The following PUS1 variants were observed in gnomAD, a reference collection of about 807,000 sequenced individuals.
The protein encoded by PUS1 is pseudouridylate synthase 1 homolog.
In PUS1, 25 loss-of-function variants were observed where a neutral mutation model predicts 38.5. That is an observed-to-expected ratio of 0.65 (90% confidence interval 0.47 to 0.91). The LOEUF is 0.91. Among genes scored for constraint, PUS1 ranks in the 40% least tolerant of loss-of-function variants. The pLI, the probability that PUS1 is intolerant of heterozygous loss-of-function variation, is 0.00. For missense variants in PUS1, 597 were observed against 612.3 expected (o/e 0.97, Z 0.26); for synonymous variants, 282 against 260.4 (o/e 1.08, Z -0.80).
chr12:131,941,166 G>A lies in PUS1; in HGVS notation c.545-126G>A. The A allele has an allele frequency of 1.2e-6, 1 of 807,780 alleles. No individual in the cohort carries two copies. The highest frequency in any genetic ancestry group is 1.5e-5 in the South Asian group (1 of 66,200). The allele number at this position is 807,780 out of a possible 1,614,324, so 50.0% of individuals were successfully genotyped here. ...CTGCCCCCTCCCCAGAGAAGCCGAT[G>A]CTTGCTGGAGCTTGGTCGGTGCTCT... On this transcript the variant is annotated intron_variant, in intron 4 of 5. Transcript: ENST00000376649. This position sits in a 1 kb window ranked among gnomAD's most constrained non-coding sequence, Gnocchi z 4.4.
intron 2 of PUS1, among the ~76,000 whole-genome samples, chr12:131,931,028 T>G (rs1005390384): frequency 6.6e-6 from 1 of 152,228 alleles, no homozygotes; most frequent in African/African-American, 2.4e-5. Context: ...CTGTGTTCTT[T>G]AAACATCTTT....
chr12:131,932,575 C>A, intron 3 of PUS1: 1 of 570,872 alleles, frequency 1.8e-6, no homozygotes, highest in Non-Finnish European at 3.1e-6. Context: ...CAGGGACACA[C>A]ATTCTTGCAG....
In PUS1 at chr12:131,929,804, C is replaced by A; in HGVS notation, c.74+8C>A. 1 of 1,578,084 alleles carries A rather than the reference C, an allele frequency of 6.3e-7. No homozygotes were observed. The highest frequency in any genetic ancestry group is 2.3e-5 in the East Asian group (1 of 42,586). On this transcript the variant is annotated splice_region_variant and intron_variant, in intron 1 of 5. Transcript: ENST00000376649. Reference sequence around the variant, plus strand: ...GGGACCGCGTCCGTCCTGGTAATGACCGCGACGCCGGGCGACCCCGCTATG... The same window carrying A: ...GGGACCGCGTCCGTCCTGGTAATGAACGCGACGCCGGGCGACCCCGCTATG...
intron 3 of PUS1, among the ~76,000 whole-genome samples, chr12:131,938,827 T>G (rs1336485482): frequency 1.3e-5 from 2 of 152,002 alleles, no homozygotes; most frequent in African/African-American, 2.4e-5. Context: ...GTTCACGCCA[T>G]TCTCCTGCCT....
In PUS1 at chr12:131,942,623, G is replaced by C. The variant is rs1234032191; in HGVS notation, c.1236+640G>C. Among the ~76,000 whole-genome samples, 3 of 152,136 alleles carry C rather than the reference G, an allele frequency of 2.0e-5. No homozygotes were observed. In the East Asian group the frequency reaches 5.8e-4, roughly 29 times the overall value. On this transcript the variant is annotated intron_variant, in intron 5 of 5. Transcript: ENST00000376649. ...GGGTTTCACCATGTTAGCCAGGATGGTCTTGATCTCCTGACCTTGTGATCC... is the reference window on the plus strand; with the variant it reads ...GGGTTTCACCATGTTAGCCAGGATGCTCTTGATCTCCTGACCTTGTGATCC...
At chr12:131,942,695 T>C (rs374196420) in intron 5 of PUS1, among the ~76,000 whole-genome samples, 179 of 152,344 alleles carry the variant, frequency 1.2e-3, no homozygotes, top group African/African-American at 3.1e-3. Flanking sequence ...CGTGAGCCAC[T>C]GCGTCCGGCC....
In PUS1 at chr12:131,945,025, GCC is replaced by G. The variant is rs1346024040; in HGVS notation, c.*1441_*1442del. 6.6e-6 allele frequency: 1 copy of G among 152,306 alleles called. No homozygotes were observed. Among genetic ancestry groups the G allele is most frequent in the African/African-American group, 2.4e-5 (1 of 41,480 alleles). 9.4% of individuals were successfully genotyped at this position (152,306 alleles called of 1,614,324 possible). A position where few individuals can be genotyped will look rare whatever the true frequency, so the allele number is the denominator to read the frequency against. ...CATACACGTGGCCTCCCAGCCTGCA[GCC>G]CGTGGGCGCACGTGACCAATGCACG... is the stretch of plus-strand genomic sequence containing the variant. On this transcript the variant is annotated 3_prime_UTR_variant, in exon 6 of 6. Coordinates refer to ENST00000376649, the MANE Select transcript of PUS1 (RefSeq NM_025215.6).
Position 131,930,053 on chromosome 12 carries a change from A to T in PUS1, c.221A>T (p.Asp74Val). ...HPAKKLKSGG[D>V]EERREKPPKR... Reference sequence around the variant, plus strand: ...GCGAAGAAGCTCAAGAGCGGTGGCGACGAGGAGCGGCGCGAGAAGCCGCCC... The same window carrying T: ...GCGAAGAAGCTCAAGAGCGGTGGCGTCGAGGAGCGGCGCGAGAAGCCGCCC... Residue 74 changes from aspartate to valine, a missense_variant, in exon 2 of 6, where the codon GAC becomes GTC. Asp to Val is a radical substitution (Grantham distance 152, BLOSUM62 -3). Coordinates refer to ENST00000376649, the MANE Select transcript of PUS1 (RefSeq NM_025215.6). 1 of 1,446,144 alleles carries T rather than the reference A, an allele frequency of 6.9e-7. No homozygotes were observed. The allele number at this position is 1,446,144 out of a possible 1,614,324, so 89.6% of individuals were successfully genotyped here.
At position 131,941,064 on chromosome 12, in the gene PUS1, A is replaced by G. The variant is rs2136442887; in HGVS notation, c.545-228A>G. ...TTGGAAAATTACAATAAATGGTTGT[A>G]AATTCAGTCACCTTATAGAGCACTG... On this transcript the variant is annotated intron_variant, in intron 4 of 5. Coordinates refer to ENST00000376649, the MANE Select transcript of PUS1 (RefSeq NM_025215.6). This position sits in a 1 kb window ranked among gnomAD's most constrained non-coding sequence, Gnocchi z 4.4. The G allele has an allele frequency of 1.8e-6, 1 of 568,790 alleles. No homozygotes were observed. Among genetic ancestry groups the G allele is most frequent in the East Asian group, 2.8e-5 (1 of 35,192 alleles). 35.2% of individuals were successfully genotyped at this position (568,790 alleles called of 1,614,324 possible). A position where few individuals can be genotyped will look rare whatever the true frequency, so the allele number is the denominator to read the frequency against.
intron 5 of PUS1, among the ~76,000 whole-genome samples, chr12:131,942,980 C>T (rs1011898313): frequency 3.3e-5 from 5 of 152,194 alleles, no homozygotes; most frequent in East Asian, 1.9e-4. Flanking sequence ...CCAGGAGCCT[C>T]GTTTCATCTG....
intron 3 of PUS1, among the ~76,000 whole-genome samples, chr12:131,936,575 CAAAACAAAA>C (rs1285557889): frequency 6.6e-6 from 1 of 151,654 alleles, no homozygotes; most frequent in Middle Eastern, 3.2e-3. Flanking sequence ...AAAAACAAAA[CAAAACAAAA>C]GAAACAAAAA....
At chr12:131,942,256 T>C (rs2136445274) in intron 5 of PUS1, among the ~76,000 whole-genome samples, 1 of 152,296 alleles carries the variant, frequency 6.6e-6, no homozygotes, top group East Asian at 1.9e-4. Context: ...GCATGGAGCA[T>C]AATCAGCAGC....
At chr12:131,931,787 T>A in intron 2 of PUS1, 2 of 307,510 alleles carry the variant, frequency 6.5e-6, no homozygotes, top group Non-Finnish European at 6.3e-6. Flanking sequence ...CTCCTCGGCC[T>A]CCCAAAGTGC....
chr12:131,936,764 C>G (rs941196081), intron 3 of PUS1, among the ~76,000 whole-genome samples: 1 of 152,056 alleles, frequency 6.6e-6, no homozygotes, highest in Admixed American at 6.6e-5. Flanking sequence ...TGGCTTACAC[C>G]TGTAATCCCA....
intron 5 of PUS1, among the ~76,000 whole-genome samples, chr12:131,943,185 C>A (rs1891164957): frequency 6.6e-6 from 1 of 152,220 alleles, no homozygotes; most frequent in Admixed American, 6.5e-5. Context: ...TTGGCCTGGG[C>A]CAGACTGGAC....
intron 2 of PUS1, among the ~76,000 whole-genome samples, chr12:131,930,803 T>C (rs544981079): frequency 5.3e-5 from 8 of 152,228 alleles, no homozygotes; most frequent in Non-Finnish European, 1.2e-4. Context: ...ATTTTTTTTA[T>C]AATTTGCAGG....
At chr12:131,937,974 T>TAG (rs1307797783) in intron 3 of PUS1, among the ~76,000 whole-genome samples, 1 of 152,208 alleles carries the variant, frequency 6.6e-6, no homozygotes. Flanking sequence ...ATCAACCTGA[T>TAG]AGAGTACCAT....
At chr12:131,942,069 A>T (rs1891102759) in intron 5 of PUS1, 86 bp downstream of exon 5, 2 of 1,254,370 alleles carry the variant, frequency 1.6e-6, no homozygotes, top group Admixed American at 4.0e-5. Context: ...GGCACAGAGA[A>T]GTGTGTCACT....
chr12:131,932,340 C>A (rs568380130), intron 3 of PUS1, 28 bp downstream of exon 3: 10 of 1,612,018 alleles, frequency 6.2e-6, no homozygotes, highest in Admixed American at 1.7e-5. Context: ...CTGCCCCTCC[C>A]CCGCTGCTAT....
Sources: allele counts gnomAD v4.1 joint callset (sites outside exome capture counted in the v4.1 genomes callset), GRCh38; gene constraint gnomAD v4.1.1; non-coding constraint Gnocchi (gnomAD v3.1); transcripts MANE v1.5; gene names NCBI Gene and HGNC (gene_info 2026-07-23, HGNC 2026-07-21).